The following ATXN2 variants were observed in gnomAD, a reference collection of about 807,000 sequenced individuals.
ATXN2 encodes the protein ataxin 2.
ATXN2 carries 37 observed loss-of-function variants against 138.6 expected under a neutral mutation model. The observed-to-expected ratio is 0.27, with a 90% confidence interval of 0.21 to 0.35. The LOEUF is 0.35. Among genes scored for constraint, ATXN2 ranks in the 10% least tolerant of loss-of-function variants. The pLI, the probability that ATXN2 is intolerant of heterozygous loss-of-function variation, is 1.00. For missense variants in ATXN2, 1,216 were observed against 1,480.3 expected, an observed-to-expected ratio of 0.82 and a Z score of 2.93; for synonymous variants, 549 against 543.7, an observed-to-expected ratio of 1.01 and a Z score of -0.13.
chr12:111,573,859 GTTTT>G (rs935984292), intron 1 of ATXN2, among the ~76,000 whole-genome samples: 12 of 142,532 alleles, frequency 8.4e-5, no homozygotes, highest in Non-Finnish European at 1.2e-4. Flanking sequence ...AGCTAAATGT[GTTTT>G]TTCTTTCTTT....
intron 1 of ATXN2, among the ~76,000 whole-genome samples, chr12:111,593,296 T>C (rs1884772471): frequency 6.6e-6 from 1 of 151,952 alleles, no homozygotes; most frequent in Non-Finnish European, 1.5e-5. Flanking sequence ...GGTTTCACCA[T>C]GTTGGCCAGA....
intron 18 of ATXN2, among the ~76,000 whole-genome samples, chr12:111,483,181 T>C (rs1877370806): frequency 7.3e-6 from 1 of 137,622 alleles, no homozygotes; most frequent in Admixed American, 7.5e-5. Flanking sequence ...AGCAAGACCC[T>C]GTATCAAACA....
intron 1 of ATXN2, among the ~76,000 whole-genome samples, chr12:111,582,386 T>C (rs1884054654): frequency 6.7e-6 from 1 of 149,754 alleles, no homozygotes; most frequent in Non-Finnish European, 1.5e-5. Flanking sequence ...GAGGTTAGAG[T>C]GAGCAGAAAT....
At chr12:111,462,386 G>T (rs919655535) in intron 21 of ATXN2, among the ~76,000 whole-genome samples, 1 of 152,158 alleles carries the variant, frequency 6.6e-6, no homozygotes, top group Non-Finnish European at 1.5e-5. Flanking sequence ...TGTTTAATTT[G>T]TAACTAGGTT....
intron 10 of ATXN2, among the ~76,000 whole-genome samples, chr12:111,514,554 T>C (rs2135735013): frequency 6.6e-6 from 1 of 152,338 alleles, no homozygotes; most frequent in East Asian, 1.9e-4. Flanking sequence ...AGACAGAGTC[T>C]GTCTCTGTCG....
At chr12:111,506,616 T>C (rs1197215093) in intron 14 of ATXN2, among the ~76,000 whole-genome samples, 4 of 151,318 alleles carry the variant, frequency 2.6e-5, no homozygotes, top group South Asian at 4.2e-4. Flanking sequence ...CAAGACATCA[T>C]TGTCCCTCTC....
intron 14 of ATXN2, among the ~76,000 whole-genome samples, chr12:111,508,131 C>G (rs1442970177): frequency 1.3e-5 from 2 of 149,266 alleles, no homozygotes; most frequent in Admixed American, 1.3e-4. Flanking sequence ...TCCCCCTCTG[C>G]GAGAAACACC....
chr12:111,459,352 T>A (rs1875381654), intron 21 of ATXN2, among the ~76,000 whole-genome samples: 1 of 152,236 alleles, frequency 6.6e-6, no homozygotes. Flanking sequence ...CCAAGTTGTA[T>A]AGGCACTGAC....
intron 14 of ATXN2, among the ~76,000 whole-genome samples, chr12:111,504,367 ACCTCTACCTCCTGGGTT>A (rs1315345527): frequency 3.9e-5 from 6 of 152,134 alleles, no homozygotes; most frequent in African/African-American, 7.2e-5. Flanking sequence ...GCTCACTGCA[ACCTCTACCTCCTGGGTT>A]CAAGCGAATC....
chr12:111,468,178 A>C (rs1239865437), intron 20 of ATXN2, among the ~76,000 whole-genome samples: 2 of 152,274 alleles, frequency 1.3e-5, no homozygotes, highest in African/African-American at 4.8e-5. Flanking sequence ...TACAAGTTGC[A>C]TAAAAGCCAG....
chr12:111,585,102 T>TA (rs1214399248), intron 1 of ATXN2, among the ~76,000 whole-genome samples: 1 of 152,294 alleles, frequency 6.6e-6, no homozygotes. Context: ...TTGGGAGATA[T>TA]AAAAAATCAT....
rs1229513445 is a variant in ATXN2 at position 111,518,284 on chromosome 12, G to A, written c.1130C>T (p.Pro377Leu). 3.7e-6 allele frequency: 6 copies of A among 1,609,088 alleles called. No homozygotes were observed. The highest frequency in any genetic ancestry group is 1.1e-5 in the South Asian group (1 of 90,270). Reference protein sequence around the residue: ...RSTSHTSDFNPNSGSDQRVVN... With the variant: ...RSTSHTSDFNLNSGSDQRVVN... ...TACTCTTTGGTCTGAACCAGAATTC[G>A]GGTTGAAATCTGAAGTGTGAGAAGT... is the stretch of plus-strand genomic sequence containing the variant. Residue 377 changes from proline to leucine, a missense_variant, in exon 9 of 25, where the codon CCG (proline) becomes CTG (leucine). Transcript: ENST00000673436.
intron 21 of ATXN2, 25 bp downstream of exon 21, chr12:111,464,637 A>G (rs1875862317): frequency 1.3e-6 from 2 of 1,571,386 alleles, no homozygotes; most frequent in African/African-American, 2.7e-5. Context: ...TACAATTAAA[A>G]ATTAGTATAA....
intron 14 of ATXN2, among the ~76,000 whole-genome samples, chr12:111,492,355 A>G (rs1388847642): frequency 6.6e-6 from 1 of 152,294 alleles, no homozygotes; most frequent in Non-Finnish European, 1.5e-5. Context: ...AGATGACAAC[A>G]CTTAATTCCC....
At chr12:111,541,140 T>A (rs1881477705) in intron 5 of ATXN2, among the ~76,000 whole-genome samples, 1 of 149,628 alleles carries the variant, frequency 6.7e-6, no homozygotes, top group South Asian at 2.1e-4. Context: ...GGTGTTGTTT[T>A]GTTTAATCAC....
intron 1 of ATXN2, among the ~76,000 whole-genome samples, chr12:111,596,540 T>G (rs898851250): frequency 6.6e-6 from 1 of 152,082 alleles, no homozygotes; most frequent in Admixed American, 6.6e-5. Context: ...CGCACAAACC[T>G]AAGTGAGGAG....
At position 111,485,458 on chromosome 12, in the gene ATXN2, TA is replaced by T. The variant is rs370592683; in HGVS notation, c.2458-128del. On this transcript the variant is annotated intron_variant, in intron 17 of 24. Transcript: ENST00000673436. ...GGTTTCCTGATTCTCCATTAGTCAT[TA>T]AAAAATTAGATCATACCCACAGCTA... 8.7e-6 allele frequency: 9 copies of T among 1,032,874 alleles called. No homozygotes were observed. The Admixed American group carries it at 1.6e-4, about 19-fold the overall frequency. 64.0% of individuals were successfully genotyped at this position (1,032,874 alleles called of 1,614,324 possible).
intron 1 of ATXN2, among the ~76,000 whole-genome samples, chr12:111,563,048 A>T (rs570159928): frequency 6.6e-6 from 1 of 152,306 alleles, no homozygotes; most frequent in East Asian, 1.9e-4. Context: ...AAACACACAA[A>T]TCATTTCTGT....
chr12:111,526,550 G>A (rs1880519554), intron 5 of ATXN2, among the ~76,000 whole-genome samples: 1 of 151,654 alleles, frequency 6.6e-6, no homozygotes, highest in South Asian at 2.1e-4. Context: ...GATTACAGGC[G>A]CCCACCAACA....
Sources: gnomAD v4.1 joint callset for allele counts (sites outside exome capture counted in the v4.1 genomes callset) on GRCh38, gnomAD v4.1.1 for gene constraint, MANE v1.5 for transcripts, NCBI Gene and HGNC (gene_info 2026-07-23, HGNC 2026-07-21) for gene names.